The following TOX2 variants were observed in gnomAD, a reference collection of about 807,000 sequenced individuals.
TOX2 encodes the protein TOX high mobility group box family member 2, also known as granulosa cell HMG box 1.
TOX2 carries 15 observed loss-of-function variants against 47.4 expected under a neutral mutation model. That is an observed-to-expected ratio of 0.32 (90% CI 0.21 to 0.49). The LOEUF is 0.49. TOX2 is among the 20% of genes least tolerant of loss of function. TOX2 has a pLI of 0.99. For missense variants in TOX2, 622 were observed against 673.1 expected (o/e 0.92, Z 0.84); for synonymous variants, 290 against 296.6 (o/e 0.98, Z 0.23).
chr20:44,066,981 C>T (rs2071835388), intron 8 of TOX2, 124 bp downstream of exon 8: 12 of 1,358,274 alleles, frequency 8.8e-6, no homozygotes, highest in South Asian at 1.4e-5. Context: ...CACTGTCAGC[C>T]CTGCTGAGGG....
intron 3 of TOX2, among the ~76,000 whole-genome samples, chr20:44,034,023 C>G (rs1378820222): frequency 6.6e-6 from 1 of 152,232 alleles, no homozygotes; most frequent in Non-Finnish European, 1.5e-5. Flanking sequence ...CACTTAGCAT[C>G]TGCAAGCATG....
intron 1 of TOX2, among the ~76,000 whole-genome samples, chr20:43,920,320 A>G (rs2145829377): frequency 6.6e-6 from 1 of 152,280 alleles, no homozygotes; most frequent in South Asian, 2.1e-4. Context: ...CTTTTTGACA[A>G]AAATTCATGA....
intron 3 of TOX2, among the ~76,000 whole-genome samples, chr20:44,048,417 T>TATATATATATATATATATATAA (rs1388097590): frequency 1.4e-5 from 2 of 139,608 alleles, no homozygotes; most frequent in African/African-American, 5.3e-5. Context: ...TATATATGTA[T>TATATATATATATATATATATAA]AATTTACCAA....
chr20:43,926,435 C>T (rs531634301), intron 1 of TOX2, among the ~76,000 whole-genome samples: 111 of 152,302 alleles, frequency 7.3e-4, no homozygotes, highest in Non-Finnish European at 1.3e-3. Flanking sequence ...CACTTAGCCT[C>T]TCTGAGTCGT....
chr20:44,006,449 T>G, intron 2 of TOX2, 98 bp from the exon 3 acceptor site: 1 of 1,513,278 alleles, frequency 6.6e-7, no homozygotes, highest in Non-Finnish European at 8.8e-7. Flanking sequence ...TGCCAAGGGG[T>G]TGCTATCGTT....
At chr20:44,020,466 T>A (rs1160232634) in intron 3 of TOX2, among the ~76,000 whole-genome samples, 4 of 151,936 alleles carry the variant, frequency 2.6e-5, no homozygotes, top group African/African-American at 7.3e-5. Context: ...TAAAGTAAAA[T>A]TAAAAATAAA....
At chr20:44,054,586 C>T in intron 5 of TOX2, 60 bp downstream of exon 5, 1 of 1,544,376 alleles carries the variant, frequency 6.5e-7, no homozygotes, top group Non-Finnish European at 8.8e-7. Flanking sequence ...GAACCAAGGA[C>T]ACACTTTGAA....
At chr20:44,028,287 C>T (rs2071095759) in intron 3 of TOX2, among the ~76,000 whole-genome samples, 1 of 151,200 alleles carries the variant, frequency 6.6e-6, no homozygotes, top group African/African-American at 2.4e-5. Flanking sequence ...AGAGGGGGTG[C>T]TGTGGCTGGG....
chr20:43,966,809 C>T (rs373559967), intron 1 of TOX2, among the ~76,000 whole-genome samples: 26 of 150,852 alleles, frequency 1.7e-4, no homozygotes, highest in East Asian at 9.7e-4. Context: ...TGAGGACCCA[C>T]GGGAACTGAG....
In TOX2 at chr20:44,066,036, C is replaced by A. The variant is rs1339428186; in HGVS notation, c.1285C>A (p.Pro429Thr). ...TGTTAGCATGTCCCCAGCCCCCCAG[C>A]CCCCTGTCCTGCCCACCCCCATGGC... ...PPVSMSPAPQ[P>T]PVLPTPMALQ... Residue 429 changes from proline to threonine, a missense_variant, in exon 7 of 9, where the codon CCC becomes ACC. Physicochemically the swap from Pro to Thr is conservative, Grantham distance 38 (BLOSUM62 -1). Around this residue, in one of 3 missense-constraint regions of TOX2, gnomAD observed 294 missense variants for 300.0 expected, o/e 0.98. Transcript: ENST00000341197. The A allele has an allele frequency of 2.5e-6, 4 of 1,599,434 alleles. No homozygotes were observed. The highest frequency in any genetic ancestry group is 2.2e-5 in the East Asian group (1 of 44,700).
intron 1 of TOX2, among the ~76,000 whole-genome samples, chr20:43,920,879 G>T (rs2069106108): frequency 6.6e-6 from 1 of 152,212 alleles, no homozygotes; most frequent in South Asian, 2.1e-4. Flanking sequence ...TTTTTGAGGA[G>T]ATGGGCCTGC....
At position 44,033,120 on chromosome 20, in the gene TOX2, C is replaced by T. The variant is rs2071182925; in HGVS notation, c.412-18186C>T. ...CTACATTTCAGGAGAAATTTGTCAGCGTGCAAAGGATCTCCCACCAAGCAT... is the reference window on the plus strand; with the variant it reads ...CTACATTTCAGGAGAAATTTGTCAGTGTGCAAAGGATCTCCCACCAAGCAT... On this transcript the variant is annotated intron_variant, in intron 3 of 8. Transcript: ENST00000341197. Among the ~76,000 whole-genome samples the T allele has an allele frequency of 2.6e-5, 4 of 152,180 alleles. No individual in the cohort carries two copies. In the South Asian group the frequency reaches 8.3e-4, roughly 32 times the overall value.
At chr20:43,940,575 TG>T (rs1482611843) in intron 1 of TOX2, among the ~76,000 whole-genome samples, 3 of 150,904 alleles carry the variant, frequency 2.0e-5, no homozygotes, top group Non-Finnish European at 2.9e-5. Flanking sequence ...GGAAAATAAA[TG>T]GGGGAGGGTG....
intron 3 of TOX2, among the ~76,000 whole-genome samples, chr20:44,020,027 A>C (rs1482928973): frequency 6.6e-6 from 1 of 152,234 alleles, no homozygotes; most frequent in African/African-American, 2.4e-5. Flanking sequence ...GTCAGGCAGC[A>C]TCAGCTGCAC....
At chr20:43,938,055 T>C (rs2069350513) in intron 1 of TOX2, among the ~76,000 whole-genome samples, 1 of 152,144 alleles carries the variant, frequency 6.6e-6, no homozygotes, top group South Asian at 2.1e-4. Context: ...AAGAGGAAGC[T>C]TTGAGGGCTG....
chr20:43,934,641 T>A (rs1000786647), intron 1 of TOX2, among the ~76,000 whole-genome samples: 10 of 151,034 alleles, frequency 6.6e-5, no homozygotes, highest in African/African-American at 2.4e-4. Context: ...GGCTCTGGGG[T>A]TTGGATTCTG....
At chr20:44,050,112 G>A (rs1014652066) in intron 3 of TOX2, among the ~76,000 whole-genome samples, 21 of 152,222 alleles carry the variant, frequency 1.4e-4, no homozygotes, top group Admixed American at 1.2e-3. Flanking sequence ...AATGCTAGGT[G>A]AGGTGATGAA....
chr20:43,942,557 A>G (rs1175132299), intron 1 of TOX2, among the ~76,000 whole-genome samples: 1 of 152,134 alleles, frequency 6.6e-6, no homozygotes. Context: ...GTGGTGGCAC[A>G]TGCCTGTAGT....
intron 3 of TOX2, among the ~76,000 whole-genome samples, chr20:44,050,217 A>G (rs2071485824): frequency 6.6e-6 from 1 of 152,238 alleles, no homozygotes; most frequent in Non-Finnish European, 1.5e-5. Flanking sequence ...AATAAAATAC[A>G]ACTCAAAATT....
Sources: gnomAD v4.1 joint callset for allele counts (sites outside exome capture counted in the v4.1 genomes callset) on GRCh38, gnomAD v4.1.1 for gene constraint, gnomAD v4.1.1 regional missense constraint, MANE v1.5 for transcripts, NCBI Gene and HGNC (gene_info 2026-07-23, HGNC 2026-07-21) for gene names.